Variants in EVC2 observed in about 807,000 individuals in gnomAD.
EVC2 encodes the protein limbin.
Under a neutral mutation model 149.3 loss-of-function variants are expected in EVC2, and 148 were observed. That is an observed-to-expected ratio of 0.99 (90% CI 0.87 to 1.14). The LOEUF (loss-of-function observed/expected upper bound fraction) is 1.14. Ranked by LOEUF, EVC2 falls within the 50% of genes most tolerant of loss-of-function variation. EVC2 has a pLI of 0.00. For synonymous variants in EVC2, 776 were observed against 649.9 expected (o/e 1.19, Z -2.95); for missense variants, 1,854 against 1,627.3 (o/e 1.14, Z -2.40).
chr4:5,634,541 A>G (rs1194520836), intron 10 of EVC2, among the ~76,000 whole-genome samples: 1 of 152,250 alleles, frequency 6.6e-6, no homozygotes, highest in Admixed American at 6.5e-5. Context: ...ACAAATCCTA[A>G]AATAAAATAT....
the EVC2 span, among the ~76,000 whole-genome samples, chr4:5,536,783 C>CAA: frequency 0.024 from 3,237 of 137,664 alleles, 47 homozygotes; most frequent in Non-Finnish European, 0.034. Context: ...GACTCTGTCT[C>CAA]AAAAAAAAAA....
intron 7 of EVC2, 125 bp from the exon 8 acceptor site, chr4:5,665,774 C>A: frequency 2.8e-6 from 4 of 1,449,954 alleles, no homozygotes; most frequent in Non-Finnish European, 1.9e-6. Context: ...ATTTGAGTCT[C>A]GCTCTGCCAG....
intron 1 of EVC2, among the ~76,000 whole-genome samples, chr4:5,706,361 G>GATACATACATAGATAGCTAGATAGATAC (rs1279202262): frequency 2.7e-5 from 2 of 73,538 alleles, no homozygotes; most frequent in African/African-American, 7.5e-5. Flanking sequence ...TAGACACATA[G>GATACATACATAGATAGCTAGATAGATAC]ATAGATACAT....
At chr4:5,692,841 T>A (rs1314618485) in intron 3 of EVC2, among the ~76,000 whole-genome samples, 1 of 127,298 alleles carries the variant, frequency 7.9e-6, no homozygotes, top group Non-Finnish European at 1.6e-5. Context: ...CAGTCCGCAG[T>A]CCGGCCTGGG....
At chr4:5,572,840 T>C (rs1021381321) in intron 19 of EVC2, among the ~76,000 whole-genome samples, 9 of 152,104 alleles carry the variant, frequency 5.9e-5, no homozygotes, top group African/African-American at 1.7e-4. Context: ...ATGGCTCAGT[T>C]ACGCAGAGAC....
At position 5,640,572 on chromosome 4, in the gene EVC2, T is replaced by C. The variant is rs766904434; in HGVS notation, c.1412A>G (p.Gln471Arg). The C allele has an allele frequency of 6.2e-7, 1 of 1,614,212 alleles. No homozygotes were observed. The highest frequency in any genetic ancestry group is 1.1e-5 in the South Asian group (1 of 91,080). ...ETRKKMENQY[Q>R]REMMAMEEAE... ...TTCCTCCATTGCCATCATCTCTCTC[T>C]GGTACTGGTTTTCCATCTTCTTTCT... The change falls in exon 10 of 22, where the codon CAG becomes CGG. Residue 471 changes from glutamine to arginine, a missense_variant. By Grantham distance (43) the Gln-to-Arg change is conservative. Coordinates refer to ENST00000344408, the MANE Select transcript of EVC2 (RefSeq NM_147127.5). The surrounding 1 kb of genome is among the most constrained non-coding windows in gnomAD (Gnocchi z 4.6).
At position 5,643,515 on chromosome 4, in the gene EVC2, G is replaced by C. The variant is rs558088754; in HGVS notation, c.1146-2677C>G. On this transcript the variant is annotated intron_variant, in intron 9 of 21. Coordinates refer to ENST00000344408, the MANE Select transcript of EVC2 (RefSeq NM_147127.5). ...TGTCAAACTTATATTAAATTTGCAT[G>C]TTGTTTTCCTGTTAATCTATCTCAT... 2.0e-5 allele frequency among the ~76,000 whole-genome samples: 3 copies of C among 152,334 alleles called. No individual in the cohort carries two copies. The East Asian group carries it at 5.8e-4, about 29-fold the overall frequency.
In EVC2 at chr4:5,679,198, T is replaced by G. The variant is rs180805781; in HGVS notation, c.870+2062A>C. Among the ~76,000 whole-genome samples, 2 of 152,148 alleles carry G rather than the reference T, an allele frequency of 1.3e-5. No individual in the cohort carries two copies. Among genetic ancestry groups the G allele is most frequent in the Non-Finnish European group, 2.9e-5 (2 of 68,006 alleles). ...GGCGTAGGGTATGACTGTACACGAC[T>G]ATAGACTTTAGAAACACTGTACCCT... On this transcript the variant is annotated intron_variant, in intron 7 of 21. Coordinates refer to ENST00000344408, the MANE Select transcript of EVC2 (RefSeq NM_147127.5). This position sits in a 1 kb window ranked among gnomAD's most constrained non-coding sequence, Gnocchi z 5.1.
chr4:5,596,989 C>T (rs1479260191), intron 16 of EVC2, among the ~76,000 whole-genome samples: 2 of 152,208 alleles, frequency 1.3e-5, no homozygotes, highest in Non-Finnish European at 2.9e-5. Flanking sequence ...TTCCTCAACA[C>T]ATTCACCCTC....
chr4:5,644,083 A>T (rs1047353412), intron 9 of EVC2, among the ~76,000 whole-genome samples: 5 of 151,982 alleles, frequency 3.3e-5, no homozygotes, highest in Non-Finnish European at 7.4e-5. Flanking sequence ...CTTTCCTTCT[A>T]CAGCATTGAT....
At chr4:5,568,739 G>A in intron 19 of EVC2, 99 bp from the exon 20 acceptor site, 4 of 1,299,918 alleles carry the variant, frequency 3.1e-6, no homozygotes, top group Admixed American at 2.0e-5. Flanking sequence ...GTCCTGGAGT[G>A]ATAAATATTT....
At chr4:5,550,080 C>T (rs1433688742) in intron 21 of EVC2, among the ~76,000 whole-genome samples, 1 of 152,146 alleles carries the variant, frequency 6.6e-6, no homozygotes, top group East Asian at 1.9e-4. Context: ...GTATAAATTG[C>T]CCAGTCTCGG....
intron 7 of EVC2, among the ~76,000 whole-genome samples, chr4:5,667,780 C>T (rs1017818861): frequency 6.6e-6 from 1 of 152,286 alleles, no homozygotes; most frequent in African/African-American, 2.4e-5. Context: ...GGTTTTTATT[C>T]GAGGCTGATC....
Position 5,625,502 on chromosome 4 carries a change from C to T in EVC2, c.2046+247G>A, listed in dbSNP as rs1361749381. ...AACCAGCACTCCTAATTCCCTTGCC[C>T]ATGCAGACATTACTAGTCTATTGTG... On this transcript the variant is annotated intron_variant, in intron 13 of 21. Transcript: ENST00000344408. The surrounding 1 kb of genome is among the most constrained non-coding windows in gnomAD (Gnocchi z 4.0). Among the ~76,000 whole-genome samples the T allele has an allele frequency of 6.6e-6, 1 of 152,230 alleles. No individual in the cohort carries two copies. Among genetic ancestry groups the T allele is most frequent in the Non-Finnish European group, 1.5e-5 (1 of 68,048 alleles).
At chr4:5,538,313 A>G (rs1460579016), downstream of EVC2, among the ~76,000 whole-genome samples, 1 of 152,214 alleles carries the variant, frequency 6.6e-6, no homozygotes, top group Non-Finnish European at 1.5e-5. Context: ...ACTCAAAGAA[A>G]TTTAACTTTT....
chr4:5,629,417 C>A (rs1716363890), intron 11 of EVC2, among the ~76,000 whole-genome samples: 1 of 152,168 alleles, frequency 6.6e-6, no homozygotes, highest in Non-Finnish European at 1.5e-5. Context: ...AGTCTAATTC[C>A]AGGACCTGTG....
At chr4:5,692,923 C>A (rs376418586) in intron 3 of EVC2, among the ~76,000 whole-genome samples, 31 of 150,732 alleles carry the variant, frequency 2.1e-4, no homozygotes, top group African/African-American at 7.1e-4. Flanking sequence ...TGCCATTTTC[C>A]AAAGAACACG....
intron 21 of EVC2, among the ~76,000 whole-genome samples, chr4:5,553,822 C>T (rs76308121): frequency 0.049 from 7,394 of 152,204 alleles, 372 homozygotes; most frequent in African/African-American, 0.13. Context: ...TTACAAGTAT[C>T]TAACAAAATC....
intron 9 of EVC2, among the ~76,000 whole-genome samples, chr4:5,645,407 C>T (rs1325145599): frequency 6.6e-6 from 1 of 152,080 alleles, no homozygotes; most frequent in African/African-American, 2.4e-5. Context: ...CCTCTCCTTC[C>T]TCCCACTCTC....
Sources: gnomAD v4.1 joint callset for allele counts (sites outside exome capture counted in the v4.1 genomes callset) on GRCh38, gnomAD v4.1.1 for gene constraint, Gnocchi (gnomAD v3.1) non-coding constraint, MANE v1.5 for transcripts, NCBI Gene and HGNC (gene_info 2026-07-23, HGNC 2026-07-21) for gene names.